The following SCOC variants were observed in gnomAD, a reference collection of about 807,000 sequenced individuals.
SCOC encodes short coiled coil protein.
SCOC carries 7 observed loss-of-function variants against 9.9 expected under a neutral mutation model. The ratio of observed to expected loss-of-function variants is 0.71; its 90% CI spans 0.40 to 1.33. The LOEUF (loss-of-function observed/expected upper bound fraction) is 1.33. Ranked by LOEUF, SCOC falls within the 40% of genes most tolerant of loss-of-function variation. SCOC has a pLI of 0.01. For synonymous variants in SCOC, 19 were observed against 28.2 expected, an observed-to-expected ratio of 0.67 and a Z score of 1.03; for missense variants, 66 against 89.7, an observed-to-expected ratio of 0.74 and a Z score of 1.07.
At chr4:140,278,465 A>G (rs957477359) in intron 1 of SCOC, among the ~76,000 whole-genome samples, 1 of 152,014 alleles carries the variant, frequency 6.6e-6, no homozygotes, top group Admixed American at 6.5e-5. Context: ...ACGCCTGGCT[A>G]ATTTTTTGTA....
At chr4:140,275,655 A>G (rs1730961908) in intron 1 of SCOC, among the ~76,000 whole-genome samples, 1 of 152,120 alleles carries the variant, frequency 6.6e-6, no homozygotes, top group South Asian at 2.1e-4. Context: ...TGAGTTTTAT[A>G]CCCTTTTTAT....
intron 2 of SCOC, chr4:140,366,404 G>A (rs1435883080): frequency 1.5e-6 from 2 of 1,297,850 alleles, no homozygotes; most frequent in Non-Finnish European, 2.2e-6. Context: ...AACTTTAGCA[G>A]CAGCTGCAGC....
intron 2 of SCOC, among the ~76,000 whole-genome samples, chr4:140,348,394 G>A (rs1399650748): frequency 6.6e-6 from 1 of 152,052 alleles, no homozygotes; most frequent in Non-Finnish European, 1.5e-5. Flanking sequence ...ATACAAGTGA[G>A]ATCACATAGT....
At chr4:140,316,314 C>T (rs1451115060) in intron 1 of SCOC, among the ~76,000 whole-genome samples, 1 of 152,112 alleles carries the variant, frequency 6.6e-6, no homozygotes, top group Non-Finnish European at 1.5e-5. Flanking sequence ...TCAATAACGA[C>T]TTCCTAGAAG....
intron 2 of SCOC, among the ~76,000 whole-genome samples, chr4:140,362,246 C>G (rs994375832): frequency 1.0e-5 from 1 of 98,702 alleles, no homozygotes; most frequent in Non-Finnish European, 2.2e-5. Context: ...TTAAAACAAA[C>G]TAAAGACCGG....
chr4:140,377,353 T>C (rs1728386913), intron 1 of SCOC, among the ~76,000 whole-genome samples: 1 of 152,204 alleles, frequency 6.6e-6, no homozygotes, highest in African/African-American at 2.4e-5. Context: ...AAAAGAATTG[T>C]TGGAAAAATT....
At chr4:140,352,726 G>A (rs1480044230) in intron 2 of SCOC, among the ~76,000 whole-genome samples, 1 of 152,176 alleles carries the variant, frequency 6.6e-6, no homozygotes, top group African/African-American at 2.4e-5. Context: ...CTCAGCAAAG[G>A]ATAAGTCGTA....
intron 1 of SCOC, among the ~76,000 whole-genome samples, chr4:140,262,204 G>A (rs1407606433): frequency 6.6e-6 from 1 of 152,098 alleles, no homozygotes; most frequent in East Asian, 1.9e-4. Flanking sequence ...TTTTGTACTA[G>A]ACTAGTGCCT....
intron 2 of SCOC, among the ~76,000 whole-genome samples, chr4:140,344,285 C>T (rs1202092150): frequency 6.6e-6 from 1 of 152,090 alleles, no homozygotes; most frequent in Non-Finnish European, 1.5e-5. Context: ...TAACTGGAAA[C>T]ACTTCAAACC....
intron 2 of SCOC, chr4:140,366,607 T>C: frequency 1.9e-6 from 3 of 1,606,550 alleles, no homozygotes; most frequent in Non-Finnish European, 2.6e-6. Context: ...GGCTGCCCAT[T>C]TTGTATTGAT....
chr4:140,274,723 T>C (rs547361235), intron 1 of SCOC, among the ~76,000 whole-genome samples: 2 of 152,354 alleles, frequency 1.3e-5, no homozygotes, highest in Non-Finnish European at 2.9e-5. Flanking sequence ...TCACTTTTTC[T>C]AGATTCAGCT....
chr4:140,313,354 C>T (rs1578799117), intron 1 of SCOC, among the ~76,000 whole-genome samples: 2 of 152,156 alleles, frequency 1.3e-5, no homozygotes, highest in African/African-American at 2.4e-5. Context: ...TAGCGATTCT[C>T]GATTCTCCTG....
chr4:140,362,303 T>TCTTCTTCTTCTTCTTCTTCTTCTTCTTC (rs1253683051), intron 2 of SCOC, among the ~76,000 whole-genome samples: 699 of 44,190 alleles, frequency 0.016, 42 homozygotes, highest in Admixed American at 0.058. Context: ...CTTCTTCTTT[T>TCTTCTTCTTCTTCTTCTTCTTCTTCTTC]TTTTTTTTTT....
At chr4:140,343,394 C>T (rs1726580641), upstream of SCOC, 1 of 397,990 alleles carries the variant, frequency 2.5e-6, no homozygotes, top group East Asian at 3.8e-5. Flanking sequence ...CGTGCCAGCA[C>T]AGCAGCCTCC....
chr4:140,315,285 A>G (rs541518623), intron 1 of SCOC, among the ~76,000 whole-genome samples: 1 of 152,366 alleles, frequency 6.6e-6, no homozygotes, highest in Admixed American at 6.5e-5. Context: ...AGGAACGGGT[A>G]TGCCTAACAG....
intron 2 of SCOC, among the ~76,000 whole-genome samples, chr4:140,353,731 CAA>C (rs1360051064): frequency 6.6e-6 from 1 of 152,166 alleles, no homozygotes; most frequent in African/African-American, 2.4e-5. Flanking sequence ...ATTGGGAACA[CAA>C]AAGACTCAGT....
chr4:140,325,266 T>C (rs1321002660), intron 1 of SCOC, among the ~76,000 whole-genome samples: 4 of 152,064 alleles, frequency 2.6e-5, no homozygotes, highest in Non-Finnish European at 5.9e-5. Context: ...GGTTGTTAGA[T>C]ACAACAATAA....
rs72937774 is a variant in SCOC, at chr4:140,268,914, A to G, written c.-19+11504A>G. ...ACTGTATAATGAACGTGCAATAGGG[A>G]AGAGCATTTCATTGTGGGTTTTACT... On this transcript the variant is annotated intron_variant, in intron 1 of 4. Coordinates refer to the SCOC transcript ENST00000394205. Among the ~76,000 whole-genome samples, 463 of 152,214 alleles carry G rather than the reference A, an allele frequency of 3.0e-3. 1 individual carries two copies. The highest frequency in any genetic ancestry group is 0.01 in the African/African-American group (422 of 41,526).
chr4:140,279,385 G>A (rs1448998864), intron 1 of SCOC, among the ~76,000 whole-genome samples: 2 of 152,176 alleles, frequency 1.3e-5, no homozygotes, highest in Admixed American at 1.3e-4. Context: ...GGCCATGAAA[G>A]CAGGGACTTT....
Sources: gnomAD v4.1 joint callset for allele counts (sites outside exome capture counted in the v4.1 genomes callset) on GRCh38, gnomAD v4.1.1 for gene constraint, MANE v1.5 for transcripts, NCBI Gene and HGNC (gene_info 2026-07-23, HGNC 2026-07-21) for gene names.